MYT1L: variants seen among roughly 807,000 people sequenced by gnomAD.
The protein encoded by MYT1L is myelin transcription factor 1-like protein.
In MYT1L, 12 loss-of-function variants were observed where a neutral mutation model predicts 126.7. That is an observed-to-expected ratio of 0.09 (90% CI 0.06 to 0.15). The LOEUF (loss-of-function observed/expected upper bound fraction) is 0.15. Ranked by LOEUF, MYT1L falls within the 10% of genes least tolerant of loss-of-function variation. MYT1L has a pLI of 1.00. For synonymous variants in MYT1L, 541 were observed against 604.2 expected (o/e 0.90, Z 1.53); for missense variants, 979 against 1,585.2 (o/e 0.62, Z 6.49).
chr2:2,294,032 T>C (rs993838362), intron 1 of MYT1L, among the ~76,000 whole-genome samples: 2 of 151,670 alleles, frequency 1.3e-5, no homozygotes, highest in Non-Finnish European at 2.9e-5. Context: ...AGTAGTGGGG[T>C]GAATACAGAG....
intron 21 of MYT1L, among the ~76,000 whole-genome samples, chr2:1,812,374 T>C (rs949935664): frequency 6.6e-6 from 1 of 152,236 alleles, no homozygotes; most frequent in Non-Finnish European, 1.5e-5. Context: ...ACTTTTTTGT[T>C]CACTGCTCTG....
chr2:2,322,805 TA>T (rs2096192065), intron 1 of MYT1L, among the ~76,000 whole-genome samples: 1 of 152,180 alleles, frequency 6.6e-6, no homozygotes, highest in East Asian at 1.9e-4. Context: ...GGTTCAACTC[TA>T]AAATGAAATG....
intron 21 of MYT1L, among the ~76,000 whole-genome samples, chr2:1,814,137 C>T (rs77745564): frequency 0.042 from 6,310 of 151,990 alleles, 152 homozygotes; most frequent in East Asian, 0.065. Flanking sequence ...TCTTCTCACA[C>T]GTGCTGCCTC....
intron 15 of MYT1L, among the ~76,000 whole-genome samples, chr2:1,890,413 C>T (rs988861106): frequency 7.2e-5 from 11 of 151,974 alleles, no homozygotes; most frequent in Non-Finnish European, 1.2e-4. Flanking sequence ...TTCCACTTTA[C>T]GAAAGAAGAT....
At chr2:2,179,077 G>C (rs1460014807) in intron 2 of MYT1L, among the ~76,000 whole-genome samples, 1 of 152,130 alleles carries the variant, frequency 6.6e-6, no homozygotes, top group Non-Finnish European at 1.5e-5. Context: ...GGGAGCCCTT[G>C]AGCATAGGAA....
intron 8 of MYT1L, among the ~76,000 whole-genome samples, chr2:1,964,623 A>C (rs2059201060): frequency 6.6e-6 from 1 of 152,230 alleles, no homozygotes; most frequent in Non-Finnish European, 1.5e-5. Context: ...CTACTTAAAA[A>C]AAATCTTAAC....
At chr2:1,974,893 T>G (rs956986291) in intron 8 of MYT1L, 4 of 152,226 alleles carry the variant, frequency 2.6e-5, no homozygotes, top group African/African-American at 9.6e-5. Context: ...CCATTGTAGT[T>G]GTACATAGGC....
intron 18 of MYT1L, among the ~76,000 whole-genome samples, chr2:1,855,498 G>A (rs1246791033): frequency 1.3e-5 from 2 of 152,176 alleles, no homozygotes; most frequent in Admixed American, 6.5e-5. Flanking sequence ...GGCTCTCAGC[G>A]CTGCAGCACT....
intron 21 of MYT1L, among the ~76,000 whole-genome samples, chr2:1,819,887 G>A (rs947577908): frequency 1.3e-5 from 2 of 152,190 alleles, no homozygotes; most frequent in African/African-American, 2.4e-5. Context: ...GATCTCAAGT[G>A]CCTTACAGAG....
chr2:1,882,955 T>C (rs1318653388), intron 18 of MYT1L, among the ~76,000 whole-genome samples: 1 of 152,212 alleles, frequency 6.6e-6, no homozygotes, highest in African/African-American at 2.4e-5. Flanking sequence ...TAGATGTGGC[T>C]AAAATTCCTG....
intron 1 of MYT1L, among the ~76,000 whole-genome samples, chr2:2,304,557 T>C (rs905856132): frequency 2.0e-5 from 3 of 152,214 alleles, no homozygotes; most frequent in African/African-American, 7.2e-5. Context: ...TCCTTAATCT[T>C]TTAATGCTTT....
At chr2:2,193,243 G>T (rs1257937902) in intron 2 of MYT1L, among the ~76,000 whole-genome samples, 2 of 152,132 alleles carry the variant, frequency 1.3e-5, no homozygotes, top group Non-Finnish European at 2.9e-5. Context: ...CTCCCAAAGT[G>T]CCAGGATTAC....
At chr2:2,036,585 C>T (rs1051503359) in intron 4 of MYT1L, among the ~76,000 whole-genome samples, 6 of 152,250 alleles carry the variant, frequency 3.9e-5, no homozygotes, top group African/African-American at 9.6e-5. Context: ...TCGGCAGCCA[C>T]GCTTCAGTCT....
intron 3 of MYT1L, among the ~76,000 whole-genome samples, chr2:2,138,086 A>G (rs1277832604): frequency 1.3e-5 from 2 of 152,252 alleles, no homozygotes; most frequent in Non-Finnish European, 2.9e-5. Flanking sequence ...AACACATGAA[A>G]AAATGCTCAC....
chr2:1,799,164 A>G (rs2034364667), intron 23 of MYT1L, among the ~76,000 whole-genome samples: 1 of 152,210 alleles, frequency 6.6e-6, no homozygotes, highest in Non-Finnish European at 1.5e-5. Context: ...CAGTGAGAAT[A>G]AATGTGAACT....
chr2:2,228,259 C>T lies in MYT1L; in HGVS notation c.-420-55271G>A, dbSNP rs1366133400. Among the ~76,000 whole-genome samples the T allele has an allele frequency of 1.3e-5, 2 of 152,060 alleles. No homozygotes were observed. The highest frequency in any genetic ancestry group is 2.4e-5 in the African/African-American group (1 of 41,394). On this transcript the variant is annotated intron_variant, in intron 2 of 24. Transcript: ENST00000647738. The surrounding 1 kb of genome is among the most constrained non-coding windows in gnomAD (Gnocchi z 5.9). The stretch of plus-strand genomic sequence containing the variant: ...ATAAAGTCATTTAGCTTCATAATTA[C>T]CTTAAGAGCACAAAGATGCAAAAGT...
Position 2,228,602 on chromosome 2 carries a change from A to C in MYT1L, c.-420-55614T>G, listed in dbSNP as rs771739232. Among the ~76,000 whole-genome samples, 30 of 152,194 alleles carry C rather than the reference A, an allele frequency of 2.0e-4. No homozygotes were observed. Among genetic ancestry groups the C allele is most frequent in the Non-Finnish European group, 3.5e-4 (24 of 68,028 alleles). ...TTGAGTTGAAAGATTAAAAGCAAAA[A>C]TTTTAAGCTAATAATATAAATTGCA... On this transcript the variant is annotated intron_variant, in intron 2 of 24. Coordinates refer to ENST00000647738, the MANE Select transcript of MYT1L (RefSeq NM_001303052.2). This position sits in a 1 kb window ranked among gnomAD's most constrained non-coding sequence, Gnocchi z 5.9.
chr2:2,111,941 C>T (rs1210792806), intron 3 of MYT1L, among the ~76,000 whole-genome samples: 1 of 152,218 alleles, frequency 6.6e-6, no homozygotes, highest in Non-Finnish European at 1.5e-5. Context: ...CTGTGAAACA[C>T]CAGGGTGAAA....
At chr2:2,094,563 A>C (rs2077230322) in intron 3 of MYT1L, among the ~76,000 whole-genome samples, 1 of 152,224 alleles carries the variant, frequency 6.6e-6, no homozygotes, top group Admixed American at 6.5e-5. Context: ...AAAATGTGGC[A>C]CATATACACC....
Sources: gnomAD v4.1 joint callset for allele counts (sites outside exome capture counted in the v4.1 genomes callset) on GRCh38, gnomAD v4.1.1 for gene constraint, Gnocchi (gnomAD v3.1) non-coding constraint, MANE v1.5 for transcripts, NCBI Gene and HGNC (gene_info 2026-07-23, HGNC 2026-07-21) for gene names.